Variants in DST observed in about 807,000 individuals in gnomAD.
DST encodes the protein dystonin.
Under a neutral mutation model 875.2 loss-of-function variants are expected in DST, and 253 were observed. The ratio of observed to expected loss-of-function variants is 0.29; its 90% confidence interval spans 0.26 to 0.32. The LOEUF (loss-of-function observed/expected upper bound fraction) is 0.32, where lower values mean the gene tolerates loss of function less well. Ranked by LOEUF, DST falls within the 10% of genes least tolerant of loss-of-function variation. DST has a pLI of 1.00. For missense variants in DST, 8,287 were observed against 9,111.6 expected (o/e 0.91, Z 3.68); for synonymous variants, 3,124 against 3,197.1 (o/e 0.98, Z 0.77).
At chr6:56,701,387 C>T (rs1340234483) in intron 8 of DST, among the ~76,000 whole-genome samples, 1 of 152,012 alleles carries the variant, frequency 6.6e-6, no homozygotes, top group Non-Finnish European at 1.5e-5. Context: ...TATCTTTACT[C>T]ATAAATTTTC....
intron 75 of DST, among the ~76,000 whole-genome samples, chr6:56,507,002 A>C (rs1583426395): frequency 6.6e-6 from 1 of 152,224 alleles, no homozygotes. Context: ...GTTTATTATA[A>C]AGATATTTAA....
chr6:56,804,364 A>T (rs886520016), intron 4 of DST, among the ~76,000 whole-genome samples: 1 of 152,174 alleles, frequency 6.6e-6, no homozygotes, highest in African/African-American at 2.4e-5. Context: ...TTAAAAAAAA[A>T]TTTAAGGTAA....
intron 47 of DST, among the ~76,000 whole-genome samples, chr6:56,594,628 A>C (rs866701673): frequency 1.3e-5 from 2 of 152,232 alleles, no homozygotes; most frequent in Non-Finnish European, 2.9e-5. Flanking sequence ...AAAACTTTTA[A>C]ATAGGGAAAA....
At position 56,605,378 on chromosome 6, in the gene DST, T is replaced by A; in HGVS notation, c.9250A>T (p.Ser3084Cys). Residue 3084 changes from serine (S) to cysteine (C), a missense_variant, in exon 40 of 104, where the codon AGT becomes TGT. Coordinates refer to ENST00000680361, the MANE Select transcript of DST (RefSeq NM_001374736.1). ...AACTGACTATTAATTAACTTGAAAC[T>A]ATCCCTTGTATTTTTACCAGGCAAA... ...KLLPGKNTRD[S>C]FKLINSQFPF... 3.1e-6 allele frequency: 5 copies of A among 1,612,672 alleles called. No homozygotes were observed. In the East Asian group the frequency reaches 1.1e-4, roughly 36 times the overall value.
intron 61 of DST, among the ~76,000 whole-genome samples, chr6:56,539,998 G>A (rs1471886425): frequency 1.3e-5 from 2 of 152,136 alleles, no homozygotes; most frequent in African/African-American, 4.8e-5. Context: ...CACAGTGGAG[G>A]CCTTCTAAAT....
Position 56,606,277 on chromosome 6 carries a change from T to C in DST, c.8351A>G (p.His2784Arg). The change falls in exon 40 of 104, where the codon CAT (histidine) becomes CGT (arginine). Residue 2784 changes from histidine to arginine, a missense_variant. This residue lies in a region of DST where 3,138 missense variants were observed against 3,116.6 expected (regional missense o/e 1.01). Transcript: ENST00000680361. The part of the protein sequence containing the change: ...TGQEFHSDTD[H>R]LDSMQSEESY... ...TTCTTCACTTTGCATAGAATCTAAA[T>C]GATCAGTATCGGAGTGAAATTCCTG... 4 of 1,584,884 alleles carry C rather than the reference T, an allele frequency of 2.5e-6. No individual in the cohort carries two copies. The highest frequency in any genetic ancestry group is 3.4e-6 in the Non-Finnish European group (4 of 1,164,004).
chr6:56,948,735 T>C (rs1290086957), intron 2 of DST, among the ~76,000 whole-genome samples: 1 of 152,176 alleles, frequency 6.6e-6, no homozygotes, highest in African/African-American at 2.4e-5. Context: ...GAAGCAACCA[T>C]TTCACCAGAA....
Position 56,608,050 on chromosome 6 carries a change from G to A in DST, c.6578C>T (p.Thr2193Ile). The A allele has an allele frequency of 1.2e-6, 2 of 1,613,248 alleles. No individual in the cohort carries two copies. The highest frequency in any genetic ancestry group is 2.2e-5 in the East Asian group (1 of 44,862). ...FDGEEPVTTQ[T>I]SEETKKLFLS... ...AAATAATTTTTTAGTTTCTTCTGAG[G>A]TCTGAGTAGTGACAGGTTCTTCTCC... Residue 2193 changes from threonine (T) to isoleucine (I), a missense_variant, in exon 40 of 104, where the codon ACC becomes ATC. Thr to Ile is a moderately conservative substitution (Grantham distance 89). Around this residue, in one of 10 missense-constraint regions of DST, gnomAD observed 3,138 missense variants for 3,116.6 expected, o/e 1.01. Coordinates refer to ENST00000680361, the MANE Select transcript of DST (RefSeq NM_001374736.1).
chr6:56,654,586 C>CTATATATATA lies in DST; in HGVS notation c.1215-3352_1215-3343dup, dbSNP rs138507484. Among the ~76,000 whole-genome samples the CTATATATATA allele has an allele frequency of 1.2e-4, 16 of 133,326 alleles. 1 individual carries two copies. In the South Asian group the frequency reaches 2.9e-3, roughly 24 times the overall value. 87.5% of individuals were successfully genotyped at this position (133,326 alleles called of 152,430 possible). On this transcript the variant is annotated intron_variant, in intron 10 of 103. Coordinates refer to ENST00000680361, the MANE Select transcript of DST (RefSeq NM_001374736.1). ...TCTTAAAAGAGCAATCTCCCCTAGG[C>CTATATATATA]TATATATATATATATATATCTCCAC...
At chr6:56,822,365 C>T (rs2099774026) in intron 4 of DST, among the ~76,000 whole-genome samples, 1 of 152,074 alleles carries the variant, frequency 6.6e-6, no homozygotes, top group African/African-American at 2.4e-5. Flanking sequence ...GGGGATGGGA[C>T]GCAGGGGGAG....
chr6:56,923,228 T>C (rs1170240718), intron 2 of DST, among the ~76,000 whole-genome samples: 1 of 152,102 alleles, frequency 6.6e-6, no homozygotes, highest in Admixed American at 6.5e-5. Context: ...CTTAAATTTT[T>C]AAAATTCAAT....
chr6:56,913,007 C>T (rs1393382926), intron 2 of DST, among the ~76,000 whole-genome samples: 2 of 152,220 alleles, frequency 1.3e-5, no homozygotes, highest in Non-Finnish European at 2.9e-5. Context: ...CTCTACTCCT[C>T]TCTCTGGCAA....
Position 56,603,654 on chromosome 6 carries a change from T to C in DST, c.10851A>G (p.Thr3617=), listed in dbSNP as rs750305189. 6 of 1,610,586 alleles carry C rather than the reference T, an allele frequency of 3.7e-6. No individual in the cohort carries two copies. In the Admixed American group the frequency reaches 6.7e-5, roughly 18 times the overall value. The part of the protein sequence containing the change: ...QHTEKMHEYL[T]LLQDMKPPLD... Reference sequence around the variant, plus strand: ...AGGGGGGTTTCATATCTTGAAGCAATGTCAAATACTCATGCATTTTTTCAG... The same window carrying C: ...AGGGGGGTTTCATATCTTGAAGCAACGTCAAATACTCATGCATTTTTTCAG... Residue 3617 remains threonine (T), a synonymous_variant, in exon 41 of 104, where the codon ACA becomes ACG. Transcript: ENST00000680361.
At chr6:56,705,758 T>C (rs2099330444) in intron 5 of DST, among the ~76,000 whole-genome samples, 1 of 152,202 alleles carries the variant, frequency 6.6e-6, no homozygotes, top group Non-Finnish European at 1.5e-5. Context: ...ATACTAAGCT[T>C]AGGCTCAATA....
chr6:56,506,657 C>G lies in DST; in HGVS notation c.19362+10G>C. ...TTTAAAAGCCATTCTGATAAGTAAG[C>G]CAGTTGTACCTCATCTATACTCTTC... is the stretch of plus-strand genomic sequence containing the variant. On this transcript the variant is annotated intron_variant, in intron 76 of 103. Transcript: ENST00000680361. 2 of 1,613,218 alleles carry G rather than the reference C, an allele frequency of 1.2e-6. No individual in the cohort carries two copies. Among genetic ancestry groups the G allele is most frequent in the Non-Finnish European group, 1.7e-6 (2 of 1,179,558 alleles).
rs1357422685 is a variant in DST at position 56,606,587 on chromosome 6, C to T, written c.8041G>A (p.Val2681Met). 6.2e-7 allele frequency: 1 copy of T among 1,613,542 alleles called. No individual in the cohort carries two copies. The highest frequency in any genetic ancestry group is 2.2e-5 in the East Asian group (1 of 44,876). ...TGAAGACAATGTGCTTTGTTCTTCACACTTAAGCTACCAACTGGTGCCCCC... is the reference window on the plus strand; with the variant it reads ...TGAAGACAATGTGCTTTGTTCTTCATACTTAAGCTACCAACTGGTGCCCCC... ...PQGAPVGSLS[V>M]KNKAHCLQDF... Residue 2681 changes from valine (V) to methionine (M), a missense_variant, in exon 40 of 104, where the codon GTG (valine) becomes ATG (methionine). This residue lies in a region of DST where 3,138 missense variants were observed against 3,116.6 expected (regional missense o/e 1.01). Transcript: ENST00000680361.
rs1459393096 is a variant in DST at position 56,604,977 on chromosome 6, A to C, written c.9651T>G (p.His3217Gln). The stretch of plus-strand genomic sequence containing the variant: ...TTGTATTATTAACTCCTAATTGTAA[A>C]TGTTCTTTCATGGGAGGGGCAGTTA... ...VLITAPPMKEHLQLGVNNTKE... is the reference protein window; with the variant it reads ...VLITAPPMKEQLQLGVNNTKE... Residue 3217 changes from histidine (H) to glutamine (Q), a missense_variant, in exon 40 of 104, where the codon CAT (histidine) becomes CAG (glutamine). This residue lies in a region of DST where 3,138 missense variants were observed against 3,116.6 expected (regional missense o/e 1.01). Transcript: ENST00000680361. The C allele has an allele frequency of 6.2e-7, 1 of 1,612,820 alleles. No homozygotes were observed. Among genetic ancestry groups the C allele is most frequent in the South Asian group, 1.1e-5 (1 of 91,050 alleles).
At chr6:56,477,060 A>G (rs1193684451) in intron 91 of DST, among the ~76,000 whole-genome samples, 2 of 152,202 alleles carry the variant, frequency 1.3e-5, no homozygotes, top group Non-Finnish European at 2.9e-5. Context: ...CAACTGCTGG[A>G]TTATTCAACA....
chr6:56,845,199 ACTTCACGTCTTGTCTAAATCTTCCTTCC>A (rs1190972384), intron 4 of DST, among the ~76,000 whole-genome samples: 1 of 152,174 alleles, frequency 6.6e-6, no homozygotes. Flanking sequence ...ACCTATGTCA[ACTTCACGTCTTGTCTAAATCTTCCTTCC>A]CTATTTCCTC....
Sources: allele counts gnomAD v4.1 joint callset (sites outside exome capture counted in the v4.1 genomes callset), GRCh38; gene constraint gnomAD v4.1.1; regional missense constraint gnomAD v4.1.1; transcripts MANE v1.5; gene names NCBI Gene and HGNC (gene_info 2026-07-23, HGNC 2026-07-21).